Variants in HDX observed in about 807,000 individuals in gnomAD.
HDX encodes chromosome X open reading frame 43.
In HDX, 19 loss-of-function variants were observed where a neutral mutation model predicts 45.2. The observed-to-expected ratio is 0.42, with a 90% CI of 0.29 to 0.62. HDX has a LOEUF of 0.62. Ranked by LOEUF, HDX falls within the 20% of genes least tolerant of loss-of-function variation. The pLI is 0.20. For synonymous variants in HDX, 188 were observed against 172.8 expected (o/e 1.09, Z -0.69); for missense variants, 532 against 493.9 (o/e 1.08, Z -0.73).
At chrX:84,412,681 G>T (rs1490250149) in intron 5 of HDX, among the ~76,000 whole-genome samples, 1 of 111,203 alleles carries the variant, frequency 9.0e-6, no homozygotes, top group Non-Finnish European at 1.9e-5. Flanking sequence ...ATCTCCAAGG[G>T]GCTTCCTGTA....
At chrX:84,357,411 G>A (rs1330200203) in intron 6 of HDX, among the ~76,000 whole-genome samples, 1 of 111,638 alleles carries the variant, frequency 9.0e-6, no homozygotes, top group African/African-American at 3.3e-5. Flanking sequence ...CATAAATTAA[G>A]TAAATTATGA....
At chrX:84,325,368 G>T (rs7878340) in intron 10 of HDX, among the ~76,000 whole-genome samples, 1,830 of 111,208 alleles carry the variant, frequency 0.016, 41 homozygotes, top group African/African-American at 0.057. Context: ...CTAAACAAGG[G>T]TTACATATGT....
At chrX:84,350,976 A>G (rs763846668) in intron 6 of HDX, among the ~76,000 whole-genome samples, 157 of 110,509 alleles carry the variant, frequency 1.4e-3, no homozygotes, top group Non-Finnish European at 2.3e-3. Flanking sequence ...ACTTTTCTGT[A>G]TCCCTTTGTA....
chrX:84,376,112 CA>C (rs1205139264), intron 5 of HDX, among the ~76,000 whole-genome samples: 1 of 112,235 alleles, frequency 8.9e-6, no homozygotes, highest in Non-Finnish European at 1.9e-5. Context: ...AGCTCCCAGA[CA>C]TTTGTATACA....
chrX:84,458,218 C>T (rs2040156882), intron 4 of HDX, among the ~76,000 whole-genome samples: 1 of 109,865 alleles, frequency 9.1e-6, no homozygotes, highest in Non-Finnish European at 1.9e-5. Flanking sequence ...TTGTTTTGGT[C>T]TTAAAGGCTA....
chrX:84,381,819 G>A (rs1042853683), intron 5 of HDX, among the ~76,000 whole-genome samples: 4 of 110,485 alleles, frequency 3.6e-5, no homozygotes, highest in Middle Eastern at 4.2e-3. Context: ...AATACCACAC[G>A]AGCACAGACA....
At position 84,379,082 on chromosome X, in the gene HDX, A is replaced by G. The variant is rs1311761149; in HGVS notation, c.1306-17470T>C. 4.5e-5 allele frequency among the ~76,000 whole-genome samples: 5 copies of G among 110,404 alleles called. No homozygotes were observed. In the East Asian group the frequency reaches 1.4e-3, roughly 31 times the overall value. On this transcript the variant is annotated intron_variant, in intron 5 of 10. Transcript: ENST00000373177. ...CAAAGAAGGTCACTATATAATAATA[A>G]AGGTGTCAATTTAGCAAGAGGATGT...
At chrX:84,362,378 A>G in intron 5 of HDX, among the ~76,000 whole-genome samples, 1 of 111,474 alleles carries the variant, frequency 9.0e-6, no homozygotes, top group Non-Finnish European at 1.9e-5. Context: ...CAAAGGACTC[A>G]TTCAACAGGG....
At chrX:84,415,017 A>C (rs906788121) in intron 5 of HDX, among the ~76,000 whole-genome samples, 16 of 112,371 alleles carry the variant, frequency 1.4e-4, no homozygotes, top group African/African-American at 5.2e-4. Flanking sequence ...AAAATAGGCA[A>C]AATTCAGATT....
At chrX:84,353,153 C>T (rs1433248615) in intron 6 of HDX, among the ~76,000 whole-genome samples, 2 of 111,538 alleles carry the variant, frequency 1.8e-5, no homozygotes, top group Admixed American at 1.9e-4. Flanking sequence ...TTTGGATATT[C>T]CTCAAAACTA....
At chrX:84,414,920 C>G (rs935422810) in intron 5 of HDX, among the ~76,000 whole-genome samples, 23 of 111,915 alleles carry the variant, frequency 2.1e-4, no homozygotes, top group Non-Finnish European at 3.9e-4. Context: ...ATTTTTATTA[C>G]TAAAGACTCA....
rs150804113 is a variant in HDX, at chrX:84,460,174, A to G, written c.1251+8298T>C. On this transcript the variant is annotated intron_variant, in intron 4 of 10. Transcript: ENST00000373177. ...ATAGACGATAAGAACACACTTCCAA[A>G]TTCATTCTATGAGGCCAGTATCACC... Among the ~76,000 whole-genome samples the G allele has an allele frequency of 8.0e-4, 90 of 111,805 alleles. 1 individual carries two copies. The East Asian group carries it at 0.024, about 30-fold the overall frequency.
intron 1 of HDX, among the ~76,000 whole-genome samples, chrX:84,499,476 G>T (rs1569383339): frequency 9.0e-6 from 1 of 111,696 alleles, no homozygotes; most frequent in Non-Finnish European, 1.9e-5. Flanking sequence ...GTCTAGGAAA[G>T]TCTCAATTAC....
intron 5 of HDX, among the ~76,000 whole-genome samples, chrX:84,404,866 A>C (rs942827787): frequency 1.8e-5 from 2 of 111,028 alleles, no homozygotes; most frequent in African/African-American, 6.5e-5. Flanking sequence ...ACCATCACTT[A>C]TTTTCTCAAT....
At position 84,469,461 on chromosome X, in the gene HDX, T is replaced by C. The variant is rs370397043; in HGVS notation, c.262A>G (p.Ile88Val). 8 of 1,209,140 alleles carry C rather than the reference T, an allele frequency of 6.6e-6. No individual in the cohort carries two copies. Among genetic ancestry groups the C allele is most frequent in the Middle Eastern group, 2.3e-4 (1 of 4,367 alleles). Reference sequence around the variant, plus strand: ...GACTGCTGGCTTGAGGGTCGAGCAATATTAACCACATTTCTGACTGTGATG... The same window carrying C: ...GACTGCTGGCTTGAGGGTCGAGCAACATTAACCACATTTCTGACTGTGATG... Reference protein sequence around the residue: ...PDITVRNVVNIARPSSQQSSW... With the variant: ...PDITVRNVVNVARPSSQQSSW... Residue 88 changes from isoleucine to valine, a missense_variant, in exon 4 of 11, where the codon ATT (isoleucine) becomes GTT (valine). Ile to Val is a conservative substitution (Grantham distance 29). Transcript: ENST00000373177.
intron 9 of HDX, among the ~76,000 whole-genome samples, chrX:84,327,110 T>C (rs907197226): frequency 9.0e-6 from 1 of 111,036 alleles, no homozygotes; most frequent in Non-Finnish European, 1.9e-5. Context: ...TAAGTAGGAG[T>C]CTGTTATTCC....
chrX:84,406,501 TACACACACACACACACATAC>T (rs2038828581), intron 5 of HDX, among the ~76,000 whole-genome samples: 1 of 67,936 alleles, frequency 1.5e-5, no homozygotes, highest in African/African-American at 4.9e-5. Context: ...CACACACACA[TACACACACACACACACATAC>T]ACACACACAC....
chrX:84,323,524 T>C (rs1190126490), intron 10 of HDX, among the ~76,000 whole-genome samples: 1 of 111,632 alleles, frequency 9.0e-6, no homozygotes, highest in Non-Finnish European at 1.9e-5. Context: ...TTTCATGATA[T>C]TCTAATTTCT....
intron 9 of HDX, among the ~76,000 whole-genome samples, chrX:84,330,143 T>C (rs2036815654): frequency 9.0e-6 from 1 of 111,409 alleles, no homozygotes; most frequent in African/African-American, 3.3e-5. Flanking sequence ...TCATAAATCA[T>C]AACAGCATTT....
Sources: gnomAD v4.1 joint callset for allele counts (sites outside exome capture counted in the v4.1 genomes callset) on GRCh38, gnomAD v4.1.1 for gene constraint, MANE v1.5 for transcripts, NCBI Gene and HGNC (gene_info 2026-07-23, HGNC 2026-07-21) for gene names.